SLC11A2: variants seen among roughly 807,000 people sequenced by gnomAD.
SLC11A2 encodes the protein natural resistance-associated macrophage protein 2.
Under a neutral mutation model 68.0 loss-of-function variants are expected in SLC11A2, and 38 were observed. The observed-to-expected ratio is 0.56, with a 90% CI of 0.43 to 0.73. SLC11A2 has a LOEUF of 0.73. Among genes scored for constraint, SLC11A2 ranks in the 30% least tolerant of loss-of-function variants. SLC11A2 has a pLI of 0.00. For missense variants in SLC11A2, 517 were observed against 690.5 expected, an observed-to-expected ratio of 0.75 and a Z score of 2.82; for synonymous variants, 242 against 250.6, an observed-to-expected ratio of 0.97 and a Z score of 0.32.
upstream of SLC11A2, among the ~76,000 whole-genome samples, chr12:51,026,901 G>T (rs1226873515): frequency 6.6e-6 from 1 of 152,096 alleles, no homozygotes; most frequent in Admixed American, 6.5e-5. Context: ...CAAAGGCCGG[G>T]CGCGGTGGCT....
chr12:50,993,121 C>A, intron 11 of SLC11A2, 192 bp from the exon 12 acceptor site: 1 of 616,142 alleles, frequency 1.6e-6, no homozygotes. Flanking sequence ...CTAAACTTTA[C>A]TGGATGCTCC....
At chr12:50,957,810 T>C in the SLC11A2 span, among the ~76,000 whole-genome samples, 1 of 151,772 alleles carries the variant, frequency 6.6e-6, no homozygotes, top group East Asian at 2.0e-4. Flanking sequence ...GCTTGAACCC[T>C]GGAGGTGGGG....
the SLC11A2 span, chr12:50,953,893 A>AAAAC: frequency 1.6e-6 from 1 of 643,784 alleles, no homozygotes. Flanking sequence ...CAAACAAATG[A>AAAAC]AAACAAAAAA....
Position 50,986,812 on chromosome 12 carries a change from T to C in SLC11A2, c.*1513A>G, listed in dbSNP as rs1940613173. 10 of 1,287,230 alleles carry C rather than the reference T, an allele frequency of 7.8e-6. No homozygotes were observed. The highest frequency in any genetic ancestry group is 1.0e-5 in the Non-Finnish European group (10 of 988,690). The allele number at this position is 1,287,230 out of a possible 1,614,324, so 79.7% of individuals were successfully genotyped here. On this transcript the variant is annotated 3_prime_UTR_variant, in exon 16 of 16. Transcript: ENST00000262052. ...TGAAACACAGTAGTGTACCCTTAAATGCCTTATAAAAGACCATCCATCCAG... is the reference window on the plus strand; with the variant it reads ...TGAAACACAGTAGTGTACCCTTAAACGCCTTATAAAAGACCATCCATCCAG...
At chr12:50,965,857 G>A in the SLC11A2 span, among the ~76,000 whole-genome samples, 2 of 152,174 alleles carry the variant, frequency 1.3e-5, no homozygotes, top group East Asian at 1.9e-4. Context: ...TTTCCTTAAG[G>A]GGATCTGGCT....
the SLC11A2 span, chr12:50,953,787 A>ATTTTTTTT: frequency 1.2e-5 from 6 of 506,364 alleles, no homozygotes; most frequent in Non-Finnish European, 1.8e-5. Flanking sequence ...TCCTCTATGT[A>ATTTTTTTT]TTTTTTTCTT....
intron 1 of SLC11A2, among the ~76,000 whole-genome samples, chr12:51,021,469 T>C (rs912663082): frequency 6.6e-6 from 1 of 151,924 alleles, no homozygotes; most frequent in Admixed American, 6.6e-5. Context: ...CTACTAAAAA[T>C]ACAATAATTA....
At chr12:50,980,617 TA>T (rs1939970501), downstream of SLC11A2, 1 of 152,240 alleles carries the variant, frequency 6.6e-6, no homozygotes, top group South Asian at 2.1e-4. Context: ...ATATGTGGAC[TA>T]ATATTCCAAA....
At chr12:51,011,512 G>A (rs1196489546) in intron 1 of SLC11A2, among the ~76,000 whole-genome samples, 3 of 148,846 alleles carry the variant, frequency 2.0e-5, no homozygotes, top group South Asian at 2.1e-4. Flanking sequence ...ATTATCCCAA[G>A]TGTCTAAAGC....
chr12:50,960,253 A>C, the SLC11A2 span, among the ~76,000 whole-genome samples: 1 of 152,180 alleles, frequency 6.6e-6, no homozygotes, highest in African/African-American at 2.4e-5. Context: ...TAGAAGCACA[A>C]ATTTTTTCTC....
At chr12:50,960,066 C>T in the SLC11A2 span, among the ~76,000 whole-genome samples, 1 of 152,200 alleles carries the variant, frequency 6.6e-6, no homozygotes, top group Non-Finnish European at 1.5e-5. Context: ...GAGCCAGTTA[C>T]ACAGAATCTT....
chr12:51,010,199 C>A (rs959642028), intron 2 of SLC11A2, among the ~76,000 whole-genome samples: 19 of 67,962 alleles, frequency 2.8e-4, no homozygotes, highest in African/African-American at 7.8e-4. Context: ...AAAAAAAAAA[C>A]CAAACAAACA....
intron 1 of SLC11A2, 21 bp downstream of exon 1, chr12:51,026,282 GTGACCCC>G (rs1301994851): frequency 1.6e-6 from 2 of 1,223,674 alleles, no homozygotes; most frequent in Non-Finnish European, 2.1e-6. Context: ...GCGGAATGCC[GTGACCCC>G]TGACCTTGCC....
At chr12:51,022,950 T>A (rs1264508512) in intron 1 of SLC11A2, among the ~76,000 whole-genome samples, 1 of 152,226 alleles carries the variant, frequency 6.6e-6, no homozygotes, top group Non-Finnish European at 1.5e-5. Context: ...AAATTAAAAG[T>A]GGAAGAGAAG....
the SLC11A2 span, among the ~76,000 whole-genome samples, chr12:50,968,428 T>C: frequency 6.6e-6 from 1 of 152,066 alleles, no homozygotes; most frequent in African/African-American, 2.4e-5. Context: ...TGCTCTGTCA[T>C]CCGGCTGGCG....
chr12:50,977,482 T>A (rs1477231244), downstream of SLC11A2, among the ~76,000 whole-genome samples: 3 of 152,134 alleles, frequency 2.0e-5, no homozygotes. Context: ...TTACACCTTA[T>A]ACAAAAATTA....
intron 1 of SLC11A2, among the ~76,000 whole-genome samples, chr12:51,013,199 G>T (rs541783967): frequency 1.3e-5 from 2 of 151,942 alleles, no homozygotes; most frequent in East Asian, 3.9e-4. Flanking sequence ...TTCCTTATGC[G>T]TCAATCAGTT....
intron 5 of SLC11A2, among the ~76,000 whole-genome samples, chr12:51,003,672 C>A (rs1281410731): frequency 6.7e-6 from 1 of 149,518 alleles, no homozygotes; most frequent in Non-Finnish European, 1.5e-5. Context: ...TCATGCCTGT[C>A]GTCCCAGCAC....
intron 2 of SLC11A2, 51 bp downstream of exon 2, chr12:51,010,644 A>C (rs1210765332): frequency 9.7e-7 from 1 of 1,026,852 alleles, no homozygotes; most frequent in Non-Finnish European, 1.6e-6. Flanking sequence ...TGTTACCAAC[A>C]TAAACCTAAT....
Sources: gnomAD v4.1 joint callset for allele counts (sites outside exome capture counted in the v4.1 genomes callset) on GRCh38, gnomAD v4.1.1 for gene constraint, MANE v1.5 for transcripts, NCBI Gene and HGNC (gene_info 2026-07-23, HGNC 2026-07-21) for gene names.